Variants in IKZF3 observed in about 807,000 individuals in gnomAD.
The protein encoded by IKZF3 is zinc finger protein Aiolos.
IKZF3 carries 10 observed loss-of-function variants against 49.0 expected under a neutral mutation model. That is an observed-to-expected ratio of 0.20 (90% CI 0.13 to 0.35). The LOEUF (loss-of-function observed/expected upper bound fraction) is 0.35. Ranked by LOEUF, IKZF3 falls within the 10% of genes least tolerant of loss-of-function variation. The pLI is 1.00. For missense variants in IKZF3, 498 were observed against 664.8 expected, an observed-to-expected ratio of 0.75 and a Z score of 2.76; for synonymous variants, 209 against 228.2, an observed-to-expected ratio of 0.92 and a Z score of 0.76.
rs757986343 is a variant in IKZF3, at chr17:39,791,410, A to G, written c.592+6T>C. 1 of 1,613,554 alleles carries G rather than the reference A, an allele frequency of 6.2e-7. No individual in the cohort carries two copies. Among genetic ancestry groups the G allele is most frequent in the African/African-American group, 1.3e-5 (1 of 74,886 alleles). Reference sequence around the variant, plus strand: ...TAGACAAGGAATGCTCATTTCTCTCACTTACCAGAATGTGTCCTAAGATGC... The same window carrying G: ...TAGACAAGGAATGCTCATTTCTCTCGCTTACCAGAATGTGTCCTAAGATGC... On this transcript the variant is annotated splice_donor_region_variant and intron_variant, in intron 5 of 7. Coordinates refer to ENST00000346872, the MANE Select transcript of IKZF3 (RefSeq NM_012481.5).
chr17:39,819,555 C>T lies in IKZF3; in HGVS notation c.163+9832G>A, dbSNP rs1264654807. 2.6e-5 allele frequency among the ~76,000 whole-genome samples: 4 copies of T among 152,196 alleles called. No homozygotes were observed. In the East Asian group the frequency reaches 7.7e-4, roughly 29 times the overall value. On this transcript the variant is annotated intron_variant, in intron 3 of 7. Coordinates refer to ENST00000346872, the MANE Select transcript of IKZF3 (RefSeq NM_012481.5). ...AAAACTGGTACAAATTAATGTATAG[C>T]TCAGTACAGCTGGAATGTTAGTTGA...
chr17:39,828,611 T>A (rs2062020466), intron 3 of IKZF3, among the ~76,000 whole-genome samples: 1 of 152,206 alleles, frequency 6.6e-6, no homozygotes, highest in African/African-American at 2.4e-5. Context: ...TACTTGAGAC[T>A]GTTGTCTAAA....
chr17:39,852,430 C>T (rs2062904611), intron 1 of IKZF3, among the ~76,000 whole-genome samples: 1 of 152,186 alleles, frequency 6.6e-6, no homozygotes, highest in African/African-American at 2.4e-5. Flanking sequence ...ACTCTTTGTC[C>T]TTATCTTGCT....
intron 3 of IKZF3, among the ~76,000 whole-genome samples, chr17:39,814,148 T>C (rs1437320345): frequency 6.6e-6 from 1 of 152,118 alleles, no homozygotes; most frequent in Non-Finnish European, 1.5e-5. Flanking sequence ...AAGATGGGAG[T>C]TATTTCTCCT....
intron 1 of IKZF3, among the ~76,000 whole-genome samples, chr17:39,833,459 C>T (rs1477534385): frequency 1.3e-5 from 2 of 152,152 alleles, no homozygotes; most frequent in African/African-American, 4.8e-5. Flanking sequence ...TTGACTTTTT[C>T]CACCATAGAT....
chr17:39,801,161 T>G (rs1431094249), intron 3 of IKZF3, among the ~76,000 whole-genome samples: 1 of 151,596 alleles, frequency 6.6e-6, no homozygotes, highest in Admixed American at 6.6e-5. Flanking sequence ...CACAAAAGGG[T>G]GATGTTATTT....
intron 3 of IKZF3, among the ~76,000 whole-genome samples, chr17:39,824,986 C>T (rs1368220370): frequency 6.6e-6 from 1 of 152,152 alleles, no homozygotes; most frequent in Non-Finnish European, 1.5e-5. Flanking sequence ...TGAGCCACCG[C>T]ACCTGGCCAA....
intron 1 of IKZF3, among the ~76,000 whole-genome samples, chr17:39,857,588 AT>A (rs2063098230): frequency 6.6e-6 from 1 of 152,180 alleles, no homozygotes; most frequent in Non-Finnish European, 1.5e-5. Flanking sequence ...CACGCATTGG[AT>A]TTAGCCAATA....
intron 3 of IKZF3, among the ~76,000 whole-genome samples, chr17:39,797,501 C>T (rs1282519247): frequency 1.3e-5 from 2 of 151,454 alleles, no homozygotes; most frequent in East Asian, 3.9e-4. Context: ...CGGCTCACTG[C>T]AACCTCTGCT....
At chr17:39,806,160 G>T (rs1374452877) in intron 3 of IKZF3, among the ~76,000 whole-genome samples, 4 of 152,090 alleles carry the variant, frequency 2.6e-5, no homozygotes, top group Non-Finnish European at 4.4e-5. Flanking sequence ...CATTTGTGTT[G>T]CAGTAATGAT....
At chr17:39,835,033 C>T (rs1409534151) in intron 1 of IKZF3, 10 of 407,142 alleles carry the variant, frequency 2.5e-5, no homozygotes, top group East Asian at 6.4e-5. Flanking sequence ...TTCACAACCA[C>T]AGCCCTAGAG....
At chr17:39,846,487 G>GT (rs34071450) in intron 1 of IKZF3, among the ~76,000 whole-genome samples, 8,409 of 107,900 alleles carry the variant, frequency 0.078, 438 homozygotes, top group Non-Finnish European at 0.12. Context: ...AGATACCAAG[G>GT]TTTTTTTTTT....
intron 1 of IKZF3, among the ~76,000 whole-genome samples, chr17:39,853,844 A>AC (rs1285734000): frequency 6.6e-6 from 1 of 151,950 alleles, no homozygotes; most frequent in African/African-American, 2.4e-5. Flanking sequence ...AAAAAAAAAA[A>AC]AAAGGAAGAA....
intron 3 of IKZF3, among the ~76,000 whole-genome samples, chr17:39,798,996 C>CATGT (rs1555631870): frequency 6.7e-6 from 1 of 148,982 alleles, no homozygotes; most frequent in Non-Finnish European, 1.5e-5. Flanking sequence ...TGTGTGTGTG[C>CATGT]GTGTGTGTGT....
intron 6 of IKZF3, among the ~76,000 whole-genome samples, chr17:39,784,649 G>A (rs1278497643): frequency 6.6e-6 from 1 of 152,162 alleles, no homozygotes; most frequent in Non-Finnish European, 1.5e-5. Context: ...TGATCCGCCC[G>A]CCTCGGCCTC....
intron 7 of IKZF3, among the ~76,000 whole-genome samples, chr17:39,773,233 G>A (rs1216856682): frequency 3.3e-5 from 5 of 152,170 alleles, no homozygotes; most frequent in East Asian, 3.9e-4. Context: ...CTTATAGGCC[G>A]AGGTCTGGCG....
intron 1 of IKZF3, among the ~76,000 whole-genome samples, chr17:39,845,366 CA>C (rs202035597): frequency 3.3e-5 from 5 of 149,830 alleles, no homozygotes; most frequent in African/African-American, 9.8e-5. Flanking sequence ...TAAAAAAATA[CA>C]AAAAAAAATT....
chr17:39,773,105 G>A (rs2060485897), intron 7 of IKZF3, among the ~76,000 whole-genome samples: 1 of 152,202 alleles, frequency 6.6e-6, no homozygotes, highest in South Asian at 2.1e-4. Context: ...GTGAGCCACT[G>A]CACCTGGCCT....
intron 1 of IKZF3, among the ~76,000 whole-genome samples, chr17:39,833,509 C>T (rs2062175886): frequency 1.3e-5 from 2 of 152,138 alleles, no homozygotes; most frequent in African/African-American, 4.8e-5. Context: ...AACAGAATCA[C>T]ACAGACATAT....
Sources: gnomAD v4.1 joint callset for allele counts (sites outside exome capture counted in the v4.1 genomes callset) on GRCh38, gnomAD v4.1.1 for gene constraint, MANE v1.5 for transcripts, NCBI Gene and HGNC (gene_info 2026-07-23, HGNC 2026-07-21) for gene names.